Variants in CABLES1 observed in about 807,000 individuals in gnomAD.
The protein encoded by CABLES1 is CDK5 and ABL1 enzyme substrate 1.
In CABLES1, 36 loss-of-function variants were observed where a neutral mutation model predicts 57.8. That is an observed-to-expected ratio of 0.62 (90% CI 0.48 to 0.82). The LOEUF (loss-of-function observed/expected upper bound fraction) is 0.82, where lower values mean the gene tolerates loss of function less well. Among genes scored for constraint, CABLES1 ranks in the 40% least tolerant of loss-of-function variants. CABLES1 has a pLI of 0.00. For synonymous variants in CABLES1, 374 were observed against 363.0 expected, an observed-to-expected ratio of 1.03 and a Z score of -0.35; for missense variants, 767 against 836.6, an observed-to-expected ratio of 0.92 and a Z score of 1.03.
chr18:23,253,700 A>G, intron 8 of CABLES1, 29 bp from the exon 9 acceptor site: 2 of 1,596,982 alleles, frequency 1.3e-6, no homozygotes, highest in Admixed American at 1.7e-5. Context: ...TTTTCACAAG[A>G]CTGTTCCCTC....
rs550024081 is a variant in CABLES1, at chr18:23,167,229, T to A, written c.846-21609T>A. Among the ~76,000 whole-genome samples the A allele has an allele frequency of 5.3e-5, 8 of 152,154 alleles. No homozygotes were observed. The South Asian group carries it at 1.7e-3, about 32-fold the overall frequency. ...TTTTTTATTAAATTTAAAAAAAAAA[T>A]GAAAACTTTCCAGGCTGCTTTGGGA... On this transcript the variant is annotated intron_variant, in intron 1 of 9. Transcript: ENST00000256925.
Position 23,236,057 on chromosome 18 carries a change from C to A in CABLES1, c.1342+6C>A. The A allele has an allele frequency of 6.2e-7, 1 of 1,613,678 alleles. No individual in the cohort carries two copies. ...CCAGGGGAGCCTCGACACAGGTAAC[C>A]TTGGCCTGGCTGGGTCTGGTAGCTC... On this transcript the variant is annotated splice_donor_region_variant and intron_variant, in intron 6 of 9. Coordinates refer to ENST00000256925, the MANE Select transcript of CABLES1 (RefSeq NM_001100619.3).
chr18:23,204,292 G>A lies in CABLES1; in HGVS notation c.1011-9685G>A, dbSNP rs2047347029. On this transcript the variant is annotated intron_variant, in intron 3 of 9. Coordinates refer to ENST00000256925, the MANE Select transcript of CABLES1 (RefSeq NM_001100619.3). ...TTCATGCCTCTTTAAATAGCATGGA[G>A]GTGAGGCTGGCTGCTTCTGTAGTGT... 2 of 152,256 alleles carry A rather than the reference G, an allele frequency of 1.3e-5. 1 individual carries two copies. Among genetic ancestry groups the A allele is most frequent in the South Asian group, 4.1e-4 (2 of 4,830 alleles). The allele number at this position is 152,256 out of a possible 1,614,324, so 9.4% of individuals were successfully genotyped here.
chr18:23,231,926 A>G (rs1204740493), intron 4 of CABLES1, among the ~76,000 whole-genome samples: 1 of 152,168 alleles, frequency 6.6e-6, no homozygotes, highest in Non-Finnish European at 1.5e-5. Flanking sequence ...GCCCCGGGGA[A>G]GCAGTGAGCC....
intron 6 of CABLES1, among the ~76,000 whole-genome samples, chr18:23,236,587 A>G (rs891926384): frequency 6.6e-6 from 1 of 152,176 alleles, no homozygotes. Flanking sequence ...GTCTACTCTC[A>G]GGGAAATTCC....
intron 1 of CABLES1, among the ~76,000 whole-genome samples, chr18:23,187,043 C>T (rs557174041): frequency 6.6e-6 from 1 of 152,336 alleles, no homozygotes; most frequent in East Asian, 1.9e-4. Flanking sequence ...TAGGCAAGCT[C>T]TGTCCCCTGA....
chr18:23,251,158 A>G (rs991854578), intron 7 of CABLES1, among the ~76,000 whole-genome samples: 1 of 152,202 alleles, frequency 6.6e-6, no homozygotes, highest in Admixed American at 6.5e-5. Flanking sequence ...ACTGATTAAG[A>G]TTATGGCATG....
intron 1 of CABLES1, among the ~76,000 whole-genome samples, chr18:23,171,244 C>T (rs2047080232): frequency 1.3e-5 from 2 of 152,196 alleles, no homozygotes; most frequent in South Asian, 4.1e-4. Flanking sequence ...GTCAGTGCGC[C>T]TTTGTTTTAT....
intron 1 of CABLES1, among the ~76,000 whole-genome samples, chr18:23,139,929 AC>A (rs1242610980): frequency 6.6e-6 from 1 of 152,064 alleles, no homozygotes; most frequent in Non-Finnish European, 1.5e-5. Flanking sequence ...ATAATTCAAC[AC>A]CCCATTTGTT....
At chr18:23,162,106 A>C (rs148794825) in intron 1 of CABLES1, among the ~76,000 whole-genome samples, 1,601 of 152,178 alleles carry the variant, frequency 0.011, 16 homozygotes, top group Middle Eastern at 0.034. Context: ...CAGATGTTGC[A>C]GTGAGCCGAG....
intron 4 of CABLES1, among the ~76,000 whole-genome samples, chr18:23,216,348 C>T (rs532751207): frequency 1.3e-5 from 2 of 152,336 alleles, no homozygotes; most frequent in South Asian, 4.1e-4. Context: ...TAAGTTTTTC[C>T]ATGACCCACA....
chr18:23,192,417 A>G (rs1208921594), intron 2 of CABLES1, among the ~76,000 whole-genome samples: 1 of 152,166 alleles, frequency 6.6e-6, no homozygotes, highest in Non-Finnish European at 1.5e-5. Context: ...AAGGCTGAGG[A>G]ATCTGGGGCC....
At chr18:23,223,260 A>G (rs931772939) in intron 4 of CABLES1, among the ~76,000 whole-genome samples, 16 of 152,146 alleles carry the variant, frequency 1.1e-4, no homozygotes, top group African/African-American at 3.4e-4. Flanking sequence ...GGACATATTC[A>G]GATTGCATCT....
intron 1 of CABLES1, among the ~76,000 whole-genome samples, chr18:23,159,001 C>G (rs1259871835): frequency 6.6e-6 from 1 of 152,132 alleles, no homozygotes; most frequent in Non-Finnish European, 1.5e-5. Flanking sequence ...GGGTATCGTT[C>G]AGTTGCCCAG....
intron 3 of CABLES1, chr18:23,197,970 G>A (rs1490613597): frequency 1.3e-5 from 2 of 152,178 alleles, no homozygotes; most frequent in African/African-American, 2.4e-5. Context: ...AACATGCATT[G>A]TTTTGGACCA....
chr18:23,217,952 C>T (rs2047454422), intron 4 of CABLES1, among the ~76,000 whole-genome samples: 1 of 152,244 alleles, frequency 6.6e-6, no homozygotes, highest in African/African-American at 2.4e-5. Flanking sequence ...GGGACCCGGG[C>T]TGCCCCAGCC....
At chr18:23,248,648 T>G (rs2047964113) in intron 7 of CABLES1, among the ~76,000 whole-genome samples, 1 of 148,482 alleles carries the variant, frequency 6.7e-6, no homozygotes, top group African/African-American at 2.5e-5. Flanking sequence ...ACCAACATGG[T>G]GAAACCCCAT....
intron 4 of CABLES1, among the ~76,000 whole-genome samples, chr18:23,230,640 T>C (rs1007790859): frequency 6.6e-6 from 1 of 152,168 alleles, no homozygotes; most frequent in African/African-American, 2.4e-5. Context: ...TTTTGAAGTG[T>C]GACTAGCTTT....
At position 23,136,267 on chromosome 18, in the gene CABLES1, C is replaced by T. The variant is rs930642666; in HGVS notation, c.505C>T (p.Pro169Ser). The T allele has an allele frequency of 2.6e-5, 35 of 1,352,604 alleles. No homozygotes were observed. Among genetic ancestry groups the T allele is most frequent in the Non-Finnish European group, 3.3e-5 (35 of 1,059,160 alleles). The allele number at this position is 1,352,604 out of a possible 1,614,324, so 83.8% of individuals were successfully genotyped here. A position where few individuals can be genotyped will look rare whatever the true frequency, so the allele number is the denominator to read the frequency against. Residue 169 changes from proline to serine, a missense_variant, in exon 1 of 10, where the codon CCC (proline) becomes TCC (serine). Around this residue, in one of 4 missense-constraint regions of CABLES1, gnomAD observed 529 missense variants for 622.8 expected, o/e 0.85. Transcript: ENST00000256925. ...CGGGGTGGCGCGGGGGTTCGCGAGT[C>T]CCCTGGGCGCCGGCCGGGCGTCGGG... ...GPGVARGFAS[P>S]LGAGRASGEQ...
Sources: gnomAD v4.1 joint callset for allele counts (sites outside exome capture counted in the v4.1 genomes callset) on GRCh38, gnomAD v4.1.1 for gene constraint, gnomAD v4.1.1 regional missense constraint, MANE v1.5 for transcripts, NCBI Gene and HGNC (gene_info 2026-07-23, HGNC 2026-07-21) for gene names.